The following KCNMA1 variants were observed in gnomAD, a reference collection of about 807,000 sequenced individuals.
The protein encoded by KCNMA1 is Calcium-activated potassium channel subunit alpha-1.
Under a neutral mutation model 140.0 loss-of-function variants are expected in KCNMA1, and 29 were observed. The ratio of observed to expected loss-of-function variants is 0.21; its 90% CI spans 0.15 to 0.28. The LOEUF is 0.28. KCNMA1 is among the 10% of genes least tolerant of loss of function. The pLI is 1.00. For synonymous variants in KCNMA1, 612 were observed against 611.9 expected, an observed-to-expected ratio of 1.00 and a Z score of 0.00; for missense variants, 880 against 1,602.2, an observed-to-expected ratio of 0.55 and a Z score of 7.70.
Position 76,886,395 on chromosome 10 carries a change from T to A in KCNMA1, c.*871A>T, listed in dbSNP as rs2036956868. ...TTTAATGACTTACATCTGATATTTATGATACATATGGCTTTTCATCCCAAA... is the reference window on the plus strand; with the variant it reads ...TTTAATGACTTACATCTGATATTTAAGATACATATGGCTTTTCATCCCAAA... On this transcript the variant is annotated 3_prime_UTR_variant, in exon 28 of 28. Transcript: ENST00000286628. 2.0e-6 allele frequency: 2 copies of A among 985,094 alleles called. No homozygotes were observed. The highest frequency in any genetic ancestry group is 3.5e-5 in the African/African-American group (2 of 57,240). 61.0% of individuals were successfully genotyped at this position (985,094 alleles called of 1,614,324 possible).
chr10:77,611,000 A>T (rs975295173), intron 1 of KCNMA1, among the ~76,000 whole-genome samples: 2 of 152,254 alleles, frequency 1.3e-5, no homozygotes, highest in African/African-American at 2.4e-5. Flanking sequence ...GAACTGAGCC[A>T]AATTACTTGG....
intron 5 of KCNMA1, among the ~76,000 whole-genome samples, chr10:77,179,051 G>T (rs1168108120): frequency 6.6e-6 from 1 of 152,112 alleles, no homozygotes. Context: ...AAAATATGAT[G>T]GGTAGGTTAG....
chr10:77,032,576 T>A (rs1163549969), intron 15 of KCNMA1, among the ~76,000 whole-genome samples: 1 of 152,124 alleles, frequency 6.6e-6, no homozygotes, highest in Non-Finnish European at 1.5e-5. Context: ...AGAAATGACT[T>A]CTTTTTTCAA....
chr10:76,896,001 C>T (rs1564764118), intron 25 of KCNMA1, among the ~76,000 whole-genome samples: 1 of 152,220 alleles, frequency 6.6e-6, no homozygotes, highest in South Asian at 2.1e-4. Flanking sequence ...TATTAAGGAA[C>T]TTCCATGTCC....
At chr10:77,230,299 G>A (rs1460958863) in intron 3 of KCNMA1, among the ~76,000 whole-genome samples, 1 of 152,158 alleles carries the variant, frequency 6.6e-6, no homozygotes, top group Admixed American at 6.5e-5. Flanking sequence ...CAGAGGAATG[G>A]GGAGTGACTC....
At chr10:77,069,964 C>A (rs867554421) in intron 14 of KCNMA1, among the ~76,000 whole-genome samples, 1 of 152,124 alleles carries the variant, frequency 6.6e-6, no homozygotes, top group African/African-American at 2.4e-5. Context: ...TACAGGCATG[C>A]GCCACCAGGC....
intron 1 of KCNMA1, among the ~76,000 whole-genome samples, chr10:77,570,481 T>G (rs11002206): frequency 0.9 from 127,117 of 140,592 alleles, 57,480 homozygotes; most frequent in South Asian, 0.96. Context: ...GTAAACTATC[T>G]CAAGAACAAA....
chr10:77,418,728 T>C (rs980622849), intron 1 of KCNMA1, among the ~76,000 whole-genome samples: 7 of 152,196 alleles, frequency 4.6e-5, no homozygotes, highest in Non-Finnish European at 7.3e-5. Context: ...CCTCCTACCA[T>C]GTCCCCTCTT....
At chr10:77,510,864 A>G (rs1400579772) in intron 1 of KCNMA1, among the ~76,000 whole-genome samples, 1 of 152,208 alleles carries the variant, frequency 6.6e-6, no homozygotes, top group African/African-American at 2.4e-5. Flanking sequence ...CCTTTTTGGC[A>G]TAACGCCAAT....
chr10:77,472,013 C>CT, intron 1 of KCNMA1, among the ~76,000 whole-genome samples: 1 of 108,238 alleles, frequency 9.2e-6, no homozygotes, highest in Non-Finnish European at 1.9e-5. Flanking sequence ...CACACACATA[C>CT]ACCACACACC....
intron 1 of KCNMA1, among the ~76,000 whole-genome samples, chr10:77,535,247 T>A (rs921504946): frequency 6.6e-6 from 1 of 152,234 alleles, no homozygotes; most frequent in African/African-American, 2.4e-5. Context: ...GGTCCCACCA[T>A]TGACTCCTGT....
chr10:77,455,977 A>G (rs1531226), intron 1 of KCNMA1, among the ~76,000 whole-genome samples: 8,269 of 152,264 alleles, frequency 0.054, 541 homozygotes, highest in African/African-American at 0.15. Flanking sequence ...GTGGCTGATG[A>G]ATTGAACAGA....
At chr10:77,507,523 G>A (rs1258579324) in intron 1 of KCNMA1, among the ~76,000 whole-genome samples, 1 of 152,242 alleles carries the variant, frequency 6.6e-6, no homozygotes, top group Non-Finnish European at 1.5e-5. Flanking sequence ...TGAACTGACT[G>A]TTCTTTCCTG....
chr10:77,261,402 T>C (rs557384245), intron 2 of KCNMA1, among the ~76,000 whole-genome samples: 29 of 152,288 alleles, frequency 1.9e-4, no homozygotes, highest in African/African-American at 7.0e-4. Context: ...TCTCTTCCCT[T>C]CTGAGGCCTG....
rs571382494 is a variant in KCNMA1, at chr10:77,400,256, G to A, written c.540+3606C>T. ...AGGGCAGGCCTATTCTCAGGATACC[G>A]CCTGGAGCTCTGAGATGCCTGCTTT... On this transcript the variant is annotated intron_variant, in intron 2 of 27. Coordinates refer to ENST00000286628, the MANE Select transcript of KCNMA1 (RefSeq NM_001161352.2). Among the ~76,000 whole-genome samples, 82 of 152,312 alleles carry A rather than the reference G, an allele frequency of 5.4e-4. 1 individual carries two copies. The highest frequency in any genetic ancestry group is 5.2e-4 in the Admixed American group (8 of 15,304).
intron 19 of KCNMA1, among the ~76,000 whole-genome samples, chr10:76,989,768 A>T (rs947271746): frequency 6.6e-6 from 1 of 151,764 alleles, no homozygotes; most frequent in African/African-American, 2.4e-5. Flanking sequence ...TGTAGCTGAT[A>T]TGACCTCTTA....
At chr10:77,416,156 G>A (rs1603513665) in intron 1 of KCNMA1, among the ~76,000 whole-genome samples, 1 of 152,214 alleles carries the variant, frequency 6.6e-6, no homozygotes, top group Middle Eastern at 3.4e-3. Context: ...TAGTGGCCAG[G>A]TTCCCCTCGA....
intron 1 of KCNMA1, among the ~76,000 whole-genome samples, chr10:77,494,446 G>T (rs1400527817): frequency 6.6e-6 from 1 of 152,208 alleles, no homozygotes; most frequent in African/African-American, 2.4e-5. Context: ...TTTCTGCAGG[G>T]GCTGGACAAA....
chr10:77,617,561 C>T (rs942529350), intron 1 of KCNMA1, among the ~76,000 whole-genome samples: 10 of 152,176 alleles, frequency 6.6e-5, no homozygotes, highest in African/African-American at 2.2e-4. Context: ...CACTCCAGAG[C>T]AGCATAGGAA....
Sources: allele counts gnomAD v4.1 joint callset (sites outside exome capture counted in the v4.1 genomes callset), GRCh38; gene constraint gnomAD v4.1.1; transcripts MANE v1.5; gene names NCBI Gene and HGNC (gene_info 2026-07-23, HGNC 2026-07-21).